Variants in KDM4C observed in about 807,000 individuals in gnomAD.
KDM4C encodes the protein lysine-specific demethylase 4C.
KDM4C carries 81 observed loss-of-function variants against 129.3 expected under a neutral mutation model. The observed-to-expected ratio is 0.63, with a 90% CI of 0.52 to 0.75. KDM4C has a LOEUF of 0.75. KDM4C is among the 30% of genes least tolerant of loss of function. KDM4C has a pLI of 0.00. For synonymous variants in KDM4C, 573 were observed against 456.1 expected, an observed-to-expected ratio of 1.26 and a Z score of -3.26; for missense variants, 1,457 against 1,304.0, an observed-to-expected ratio of 1.12 and a Z score of -1.81.
chr9:7,140,148 G>T (rs1437864463), intron 19 of KDM4C, among the ~76,000 whole-genome samples: 1 of 152,066 alleles, frequency 6.6e-6, no homozygotes, highest in African/African-American at 2.4e-5. Flanking sequence ...CCTTTCCCTG[G>T]TGCCAGCTGT....
chr9:6,849,270 G>C (rs113499511), intron 4 of KDM4C, among the ~76,000 whole-genome samples: 2 of 152,158 alleles, frequency 1.3e-5, no homozygotes, highest in African/African-American at 4.8e-5. Flanking sequence ...AAGCTATTTG[G>C]TATAAATTTC....
chr9:7,072,101 A>G (rs954241268), intron 17 of KDM4C, among the ~76,000 whole-genome samples: 8 of 152,336 alleles, frequency 5.3e-5, no homozygotes, highest in African/African-American at 1.9e-4. Context: ...AACCACAATG[A>G]TATGTCACTA....
At chr9:6,991,123 C>A (rs559479034) in intron 12 of KDM4C, among the ~76,000 whole-genome samples, 23 of 152,156 alleles carry the variant, frequency 1.5e-4, no homozygotes, top group African/African-American at 5.3e-4. Context: ...GTTATTCATG[C>A]TGGAGTGCAG....
chr9:6,744,398 G>GCC (rs756174746), intron 1 of KDM4C, among the ~76,000 whole-genome samples: 8 of 151,968 alleles, frequency 5.3e-5, no homozygotes, highest in Non-Finnish European at 1.0e-4. Context: ...GGTGGCGTGC[G>GCC]CCTGTAATCC....
chr9:6,921,161 A>C (rs1821431852), intron 8 of KDM4C, among the ~76,000 whole-genome samples: 1 of 151,834 alleles, frequency 6.6e-6, no homozygotes, highest in Non-Finnish European at 1.5e-5. Context: ...CTCAGGTTTC[A>C]TTTTCTTGTC....
chr9:6,900,254 G>T (rs576331215), intron 8 of KDM4C, among the ~76,000 whole-genome samples: 47 of 152,254 alleles, frequency 3.1e-4, no homozygotes, highest in Admixed American at 7.2e-4. Flanking sequence ...GGGCAGTGAG[G>T]CCCGGCTTAG....
At chr9:6,748,759 C>T (rs748208143) in intron 1 of KDM4C, 9 of 1,469,544 alleles carry the variant, frequency 6.1e-6, no homozygotes, top group Non-Finnish European at 8.6e-6. Flanking sequence ...ATGATCCGAC[C>T]CAGTTGTTTT....
At chr9:6,832,671 C>A (rs191935088) in intron 4 of KDM4C, among the ~76,000 whole-genome samples, 2 of 150,960 alleles carry the variant, frequency 1.3e-5, no homozygotes, top group Admixed American at 1.3e-4. Flanking sequence ...GTAATCCACC[C>A]GCCTCGGCCT....
intron 4 of KDM4C, among the ~76,000 whole-genome samples, chr9:6,844,333 A>AT (rs1316507667): frequency 4.8e-4 from 73 of 152,166 alleles, no homozygotes; most frequent in African/African-American, 1.6e-3. Context: ...TTGACAATAA[A>AT]TGTGACCATT....
intron 4 of KDM4C, among the ~76,000 whole-genome samples, chr9:6,842,085 A>T (rs1837034972): frequency 6.6e-6 from 1 of 152,206 alleles, no homozygotes; most frequent in Non-Finnish European, 1.5e-5. Flanking sequence ...CACTCCAGTT[A>T]CTGGACACAT....
Position 7,169,901 on chromosome 9 carries a change from G to C in KDM4C, c.2994+11G>C. ...GTGAAAGCTCGATTTGTAAGTGCTG[G>C]CAGATGCCACTTGGGGACCTGCCAA... On this transcript the variant is annotated intron_variant, in intron 21 of 21. Transcript: ENST00000381309. 1 of 1,613,854 alleles carries C rather than the reference G, an allele frequency of 6.2e-7. No individual in the cohort carries two copies. The highest frequency in any genetic ancestry group is 8.5e-7 in the Non-Finnish European group (1 of 1,179,836).
chr9:7,101,017 C>A (rs1046958390), intron 17 of KDM4C, among the ~76,000 whole-genome samples: 3 of 152,108 alleles, frequency 2.0e-5, no homozygotes, highest in Non-Finnish European at 2.9e-5. Context: ...TTTGTCATTG[C>A]TGTTTTGGCT....
chr9:6,798,300 G>A (rs1413855549), intron 2 of KDM4C, among the ~76,000 whole-genome samples: 4 of 151,702 alleles, frequency 2.6e-5, no homozygotes, highest in Non-Finnish European at 5.9e-5. Flanking sequence ...TTCTCGCAGA[G>A]GGGGATTTGG....
chr9:7,125,684 A>G (rs1839961197), intron 18 of KDM4C, among the ~76,000 whole-genome samples: 1 of 152,220 alleles, frequency 6.6e-6, no homozygotes, highest in Admixed American at 6.5e-5. Flanking sequence ...TGTATTTCCC[A>G]GGAGTGTTCT....
At chr9:6,838,302 A>T (rs747394478) in intron 4 of KDM4C, among the ~76,000 whole-genome samples, 5 of 152,152 alleles carry the variant, frequency 3.3e-5, no homozygotes, top group Non-Finnish European at 7.4e-5. Context: ...TATTTGCGCT[A>T]TCTCTCTGCA....
intron 18 of KDM4C, among the ~76,000 whole-genome samples, chr9:7,124,761 T>C (rs930509827): frequency 1.5e-4 from 23 of 152,142 alleles, no homozygotes; most frequent in African/African-American, 5.6e-4. Flanking sequence ...CAGAAAATTT[T>C]CCCAAGCAAC....
intron 1 of KDM4C, chr9:6,734,475 G>A (rs752875499): frequency 9.1e-5 from 15 of 165,562 alleles, no homozygotes; most frequent in Non-Finnish European, 1.8e-4. Flanking sequence ...TGTATTTTTA[G>A]TAGAGACAGG....
At chr9:6,839,923 A>G (rs141965783) in intron 4 of KDM4C, among the ~76,000 whole-genome samples, 374 of 151,896 alleles carry the variant, frequency 2.5e-3, no homozygotes, top group Non-Finnish European at 4.3e-3. Context: ...AAAGCTTCAC[A>G]TTAATGGGTT....
intron 4 of KDM4C, among the ~76,000 whole-genome samples, chr9:6,839,925 T>G (rs1213456364): frequency 1.4e-5 from 2 of 147,876 alleles, no homozygotes; most frequent in African/African-American, 2.5e-5. Flanking sequence ...AGCTTCACAT[T>G]AATGGGTTAA....
Sources: allele counts gnomAD v4.1 joint callset (sites outside exome capture counted in the v4.1 genomes callset), GRCh38; gene constraint gnomAD v4.1.1; transcripts MANE v1.5; gene names NCBI Gene and HGNC (gene_info 2026-07-23, HGNC 2026-07-21).